The following ANKRD11 variants were observed in gnomAD, a reference collection of about 807,000 sequenced individuals.
ANKRD11 encodes ankyrin repeat domain 11.
Under a neutral mutation model 195.7 loss-of-function variants are expected in ANKRD11, and 17 were observed. The ratio of observed to expected loss-of-function variants is 0.09; its 90% CI spans 0.06 to 0.13. ANKRD11 has a LOEUF of 0.13. Ranked by LOEUF, ANKRD11 falls within the 10% of genes least tolerant of loss-of-function variation. The pLI is 1.00. For missense variants in ANKRD11, 3,735 were observed against 3,566.1 expected (o/e 1.05, Z -1.21); for synonymous variants, 1,953 against 1,528.1 (o/e 1.28, Z -6.49).
chr16:89,411,851 G>C (rs2042121622), intron 2 of ANKRD11, among the ~76,000 whole-genome samples: 1 of 152,198 alleles, frequency 6.6e-6, no homozygotes, highest in Admixed American at 6.5e-5. Context: ...GGAATCCAAT[G>C]GCCAGTAACG....
intron 1 of ANKRD11, among the ~76,000 whole-genome samples, chr16:89,462,070 CTCTCCCTCTCCCCATGG>C (rs2056694991): frequency 2.0e-5 from 2 of 99,894 alleles, no homozygotes; most frequent in African/African-American, 3.3e-5. Context: ...CCCTCTCTCC[CTCTCCCTCTCCCCATGG>C]TCTCCCTCTC....
At chr16:89,302,185 G>T (rs1419752922) in intron 4 of ANKRD11, among the ~76,000 whole-genome samples, 1 of 152,230 alleles carries the variant, frequency 6.6e-6, no homozygotes, top group Non-Finnish European at 1.5e-5. Flanking sequence ...GACGCGGCGT[G>T]TGTGAGAGCC....
chr16:89,282,579 C>T lies in ANKRD11; in HGVS notation c.3963G>A (p.Leu1321=), dbSNP rs775041192. 1.2e-6 allele frequency: 2 copies of T among 1,614,166 alleles called. No individual in the cohort carries two copies. Among genetic ancestry groups the T allele is most frequent in the Admixed American group, 1.7e-5 (1 of 60,034 alleles). The change falls in exon 9 of 13, where the codon CTG becomes CTA. Residue 1321 remains leucine, a synonymous_variant. Coordinates refer to ENST00000301030, the MANE Select transcript of ANKRD11 (RefSeq NM_013275.6). The stretch of plus-strand genomic sequence containing the variant: ...CAGGTGGCTCCGTGAAAGAGACCTC[C>T]AGGAAGGCAGTCAGCCCCGGCTCCT... ...RGQEPGLTAF[L]EVSFTEPPGD...
intron 2 of ANKRD11, among the ~76,000 whole-genome samples, chr16:89,387,499 C>T (rs997071974): frequency 6.6e-6 from 1 of 151,320 alleles, no homozygotes; most frequent in Non-Finnish European, 1.5e-5. Flanking sequence ...AGTGAAACCC[C>T]ATCTCTACTA....
chr16:89,484,323 C>G (rs1416649432), intron 1 of ANKRD11, among the ~76,000 whole-genome samples: 1 of 152,172 alleles, frequency 6.6e-6, no homozygotes, highest in African/African-American at 2.4e-5. Flanking sequence ...AGGTCCTTCA[C>G]TGCGTCTTAC....
chr16:89,381,402 C>T (rs2040649249), intron 2 of ANKRD11, among the ~76,000 whole-genome samples: 1 of 149,614 alleles, frequency 6.7e-6, no homozygotes, highest in African/African-American at 2.5e-5. Context: ...AGCAAGACAC[C>T]AAGAAACTCC....
intron 2 of ANKRD11, among the ~76,000 whole-genome samples, chr16:89,335,920 C>T (rs936433923): frequency 1.3e-5 from 2 of 152,222 alleles, no homozygotes; most frequent in Non-Finnish European, 2.9e-5. Flanking sequence ...CAGACCCCTG[C>T]CTGTGCTGAG....
intron 4 of ANKRD11, among the ~76,000 whole-genome samples, chr16:89,302,312 G>C (rs2035906446): frequency 6.6e-6 from 1 of 152,152 alleles, no homozygotes; most frequent in Non-Finnish European, 1.5e-5. Flanking sequence ...GAGTGCAATG[G>C]CGCAATCTTG....
intron 1 of ANKRD11, among the ~76,000 whole-genome samples, chr16:89,435,144 G>A (rs139378029): frequency 3.3e-4 from 50 of 152,314 alleles, no homozygotes; most frequent in African/African-American, 1.1e-3. Context: ...GCGCTGTCTA[G>A]CTAAAGGTTT....
intron 2 of ANKRD11, among the ~76,000 whole-genome samples, chr16:89,345,327 G>A (rs889180739): frequency 6.7e-4 from 90 of 134,000 alleles, no homozygotes; most frequent in African/African-American, 2.5e-3. Context: ...ACCCCACAGA[G>A]CTCAGTGCCG....
In ANKRD11 at chr16:89,280,475, C is replaced by T. The variant is rs60520302; in HGVS notation, c.6067G>A (p.Ala2023Thr). The change falls in exon 9 of 13, where the codon GCC becomes ACC. Residue 2023 changes from alanine to threonine, a missense_variant. By Grantham distance (58) the Ala-to-Thr change is moderately conservative. Coordinates refer to ENST00000301030, the MANE Select transcript of ANKRD11 (RefSeq NM_013275.6). The part of the protein sequence containing the change: ...APYPAPPASP[A>T]PYALPVAEPG... Reference sequence around the variant, plus strand: ...TCAGCGACGGGCAGAGCGTACGGGGCAGGAGAGGCGGGAGGGGCGGGGTAC... The same window carrying T: ...TCAGCGACGGGCAGAGCGTACGGGGTAGGAGAGGCGGGAGGGGCGGGGTAC... 1.6e-5 allele frequency: 26 copies of T among 1,602,540 alleles called. No individual in the cohort carries two copies. The highest frequency in any genetic ancestry group is 3.5e-4 in the Middle Eastern group (2 of 5,740).
At chr16:89,305,006 T>A in intron 4 of ANKRD11, 200 bp downstream of exon 4, 1 of 764,580 alleles carries the variant, frequency 1.3e-6, no homozygotes, top group Non-Finnish European at 2.0e-6. Flanking sequence ...ATCGGCCCCA[T>A]GGGCCTGAGC....
At chr16:89,330,654 G>T (rs1041796228) in intron 2 of ANKRD11, among the ~76,000 whole-genome samples, 2 of 43,122 alleles carry the variant, frequency 4.6e-5, no homozygotes, top group Non-Finnish European at 1.3e-4. Context: ...CCAGTACAGT[G>T]ACTGGGGGGG....
At chr16:89,313,656 C>A in intron 3 of ANKRD11, 1 of 1,249,766 alleles carries the variant, frequency 8.0e-7, no homozygotes, top group Non-Finnish European at 1.0e-6. Context: ...TGGTAGAAGA[C>A]TGAGCAGAAA....
rs927058066 is a variant in ANKRD11, at chr16:89,374,343, A to AAAT, written c.-60+43938_-60+43940dup. Reference sequence around the variant, plus strand: ...GGCTCACCATGTGTTTTTGTAAAAAAAATAATAATAATAATAATCACACTC... The same window carrying AAAT: ...GGCTCACCATGTGTTTTTGTAAAAAAAATAATAATAATAATAATAATCACACTC... On this transcript the variant is annotated intron_variant, in intron 2 of 12. Coordinates refer to ENST00000301030, the MANE Select transcript of ANKRD11 (RefSeq NM_013275.6). Among the ~76,000 whole-genome samples, 373 of 151,204 alleles carry AAAT rather than the reference A, an allele frequency of 2.5e-3. 6 individuals carry two copies. In the South Asian group the frequency reaches 0.035, roughly 14 times the overall value.
intron 3 of ANKRD11, chr16:89,313,429 G>T: frequency 7.8e-7 from 1 of 1,289,136 alleles, no homozygotes; most frequent in Non-Finnish European, 1.0e-6. Context: ...TGCAGAAGGG[G>T]CCCTTTCTCT....
chr16:89,294,445 G>GT (rs898976141), intron 4 of ANKRD11, among the ~76,000 whole-genome samples: 5 of 152,130 alleles, frequency 3.3e-5, no homozygotes, highest in Non-Finnish European at 7.4e-5. Flanking sequence ...TCTCTCCACT[G>GT]TGAAACAAGC....
chr16:89,272,217 A>C (rs58718372), intron 11 of ANKRD11: 1 of 152,190 alleles, frequency 6.6e-6, no homozygotes, highest in Non-Finnish European at 1.5e-5. Context: ...CGGTTAAAAT[A>C]GCCTTTATCC....
chr16:89,423,405 C>A (rs982860885), intron 1 of ANKRD11, among the ~76,000 whole-genome samples: 1 of 152,248 alleles, frequency 6.6e-6, no homozygotes, highest in South Asian at 2.1e-4. Context: ...CTTTTCCCTG[C>A]TTCCCACAGA....
Sources: allele counts gnomAD v4.1 joint callset (sites outside exome capture counted in the v4.1 genomes callset), GRCh38; gene constraint gnomAD v4.1.1; transcripts MANE v1.5; gene names NCBI Gene and HGNC (gene_info 2026-07-23, HGNC 2026-07-21).